ACAD9: variants seen among roughly 807,000 people sequenced by gnomAD.
ACAD9 encodes complex I assembly factor ACAD9, mitochondrial.
A neutral mutation model predicts 70.2 loss-of-function variants in ACAD9; 53 were observed. The ratio of observed to expected loss-of-function variants is 0.75; its 90% confidence interval spans 0.61 to 0.95. ACAD9 has a LOEUF of 0.95. Ranked by LOEUF, ACAD9 falls within the 40% of genes least tolerant of loss-of-function variation. ACAD9 has a pLI of 0.00. For synonymous variants in ACAD9, 313 were observed against 312.1 expected (o/e 1.00, Z -0.03); for missense variants, 777 against 802.8 (o/e 0.97, Z 0.39).
chr3:128,904,196 G>T, intron 10 of ACAD9, 64 bp downstream of exon 10: 1 of 1,593,710 alleles, frequency 6.3e-7, no homozygotes, highest in Non-Finnish European at 8.6e-7. Flanking sequence ...GTGTTCTTTT[G>T]ATGTCTCTGT....
chr3:128,886,125 C>CA (rs2107642423), intron 2 of ACAD9, among the ~76,000 whole-genome samples: 1 of 151,316 alleles, frequency 6.6e-6, no homozygotes, highest in South Asian at 2.1e-4. Flanking sequence ...TTTTCCGAGA[C>CA]AGAGTCTCAC....
intron 4 of ACAD9, among the ~76,000 whole-genome samples, chr3:128,896,101 G>T (rs2107650928): frequency 6.6e-6 from 1 of 152,358 alleles, no homozygotes; most frequent in East Asian, 1.9e-4. Flanking sequence ...GAGTGGCCCA[G>T]TTTGTGGATG....
chr3:128,908,828 TG>T (rs765766708), intron 13 of ACAD9, 144 bp from the exon 14 acceptor site: 14 of 1,313,852 alleles, frequency 1.1e-5, no homozygotes, highest in Middle Eastern at 2.4e-4. Context: ...GTGGTGGGTT[TG>T]GGGGGGTTCA....
rs780757880 is a variant in ACAD9, at chr3:128,912,706, G to A, written c.*99G>A. On this transcript the variant is annotated 3_prime_UTR_variant, in exon 18 of 18. Coordinates refer to ENST00000308982, the MANE Select transcript of ACAD9 (RefSeq NM_014049.5). ...TCAGAAGGTGTTGGGATTATCACAG[G>A]TTAAGCCTTTTGTTCCCCGTCTGCA... is the stretch of plus-strand genomic sequence containing the variant. The A allele has an allele frequency of 8.7e-7, 1 of 1,154,782 alleles. No individual in the cohort carries two copies. 71.5% of individuals were successfully genotyped at this position (1,154,782 alleles called of 1,614,324 possible).
At chr3:128,880,990 C>T (rs1283770074) in intron 1 of ACAD9, among the ~76,000 whole-genome samples, 1 of 152,182 alleles carries the variant, frequency 6.6e-6, no homozygotes, top group East Asian at 1.9e-4. Flanking sequence ...CGTCGAGGTG[C>T]CCTACTTTGA....
chr3:128,909,233 C>A, intron 14 of ACAD9, 111 bp from the exon 15 acceptor site: 1 of 1,593,830 alleles, frequency 6.3e-7, no homozygotes, highest in Non-Finnish European at 8.6e-7. Flanking sequence ...GTCCATGACA[C>A]CCTGGATTGC....
intron 2 of ACAD9, among the ~76,000 whole-genome samples, chr3:128,887,478 G>A (rs773044865): frequency 8.0e-4 from 122 of 151,634 alleles, no homozygotes; most frequent in Non-Finnish European, 1.5e-3. Context: ...ATGGTGGTGC[G>A]CGCCCATAGT....
At chr3:128,897,563 T>C (rs1338628742) in intron 5 of ACAD9, 69 bp from the exon 6 acceptor site, 2 of 1,456,834 alleles carry the variant, frequency 1.4e-6, no homozygotes, top group African/African-American at 2.8e-5. Context: ...ACCTCCATTT[T>C]CAGGCCCTCA....
intron 11 of ACAD9, among the ~76,000 whole-genome samples, chr3:128,904,921 G>T (rs532486401): frequency 6.6e-6 from 1 of 152,260 alleles, no homozygotes; most frequent in Admixed American, 6.5e-5. Flanking sequence ...GAGGTGGATG[G>T]ATCACCTGAG....
In ACAD9 at chr3:128,904,088, A is replaced by G; in HGVS notation, c.985A>G (p.Arg329Gly). 6.2e-7 allele frequency: 1 copy of G among 1,614,270 alleles called. No homozygotes were observed. Among genetic ancestry groups the G allele is most frequent in the Middle Eastern group, 1.6e-4 (1 of 6,062 alleles). Residue 329 changes from arginine (R) to glycine (G), a missense_variant, in exon 10 of 18, where the codon AGG (arginine) becomes GGG (glycine). Transcript: ENST00000308982. ...IEMTAEYACT[R>G]KQFNKRLSEF... is the part of the protein sequence containing the mutation. Reference sequence around the variant, plus strand: ...AATGACTGCTGAGTACGCCTGCACAAGGAAACAGTTTAACAAGAGGCTCAG... The same window carrying G: ...AATGACTGCTGAGTACGCCTGCACAGGGAAACAGTTTAACAAGAGGCTCAG...
intron 2 of ACAD9, among the ~76,000 whole-genome samples, chr3:128,885,661 G>A (rs912313397): frequency 2.6e-5 from 4 of 152,144 alleles, no homozygotes; most frequent in African/African-American, 9.7e-5. Context: ...CCAAAGGGCT[G>A]GGATTACAGG....
Position 128,902,513 on chromosome 3 carries a change from C to T in ACAD9, c.883-40C>T. The stretch of plus-strand genomic sequence containing the variant: ...TTTCGTTGCGGCCTCCTCCCTCTGC[C>T]TCCTTCAGGGCCCCTGGGCTCTCCC... On this transcript the variant is annotated intron_variant, in intron 8 of 17. Transcript: ENST00000308982. The surrounding 1 kb of genome is among the most constrained non-coding windows in gnomAD (Gnocchi z 4.0). 6.2e-7 allele frequency: 1 copy of T among 1,611,988 alleles called. No individual in the cohort carries two copies. Among genetic ancestry groups the T allele is most frequent in the South Asian group, 1.1e-5 (1 of 91,050 alleles).
intron 9 of ACAD9, among the ~76,000 whole-genome samples, chr3:128,903,815 A>C (rs1290171392): frequency 1.3e-5 from 2 of 152,048 alleles, no homozygotes; most frequent in African/African-American, 4.8e-5. Context: ...GCCTGTAAGA[A>C]CCATTGCCAG....
chr3:128,901,401 T>A (rs1559826678), intron 8 of ACAD9, 52 bp downstream of exon 8: 2 of 1,597,474 alleles, frequency 1.3e-6, no homozygotes, highest in East Asian at 2.2e-5. Flanking sequence ...GAGTGCAGTT[T>A]GTCGCCCCCA....
intron 2 of ACAD9, among the ~76,000 whole-genome samples, chr3:128,890,163 C>A (rs1275454489): frequency 6.6e-6 from 1 of 152,040 alleles, no homozygotes; most frequent in Admixed American, 6.6e-5. Context: ...TCTCGACTCA[C>A]TGCAACCTCC....
chr3:128,899,256 T>C (rs749119105), intron 6 of ACAD9, 31 bp from the exon 7 acceptor site: 37 of 1,613,252 alleles, frequency 2.3e-5, no homozygotes, highest in Non-Finnish European at 3.1e-5. Context: ...AGGGGTTTGG[T>C]TTTCTCCAAA....
In ACAD9 at chr3:128,884,864, CATA is replaced by C. The variant is rs1935202354; in HGVS notation, c.244+122_244+124del. ...TCTTGAGGGAGAAATGGTTTCCACT[CATA>C]ATATTTTGCTTTAGGTTTCATCCCT... On this transcript the variant is annotated intron_variant, in intron 2 of 17. Transcript: ENST00000308982. 4.7e-6 allele frequency: 4 copies of C among 849,964 alleles called. No homozygotes were observed. The East Asian group carries it at 1.0e-4, about 22-fold the overall frequency. The allele number at this position is 849,964 out of a possible 1,614,324, so 52.7% of individuals were successfully genotyped here.
intron 2 of ACAD9, among the ~76,000 whole-genome samples, chr3:128,888,914 A>G (rs1011319960): frequency 1.5e-5 from 2 of 131,420 alleles, no homozygotes; most frequent in African/African-American, 5.8e-5. Context: ...TTTTTTTTTC[A>G]GGTTTAATTA....
rs1440486145 is a variant in ACAD9, at chr3:128,902,361, C to T, written c.883-192C>T. Among the ~76,000 whole-genome samples, 2 of 152,182 alleles carry T rather than the reference C, an allele frequency of 1.3e-5. No homozygotes were observed. The highest frequency in any genetic ancestry group is 1.9e-4 in the East Asian group (1 of 5,192). ...GCTCTGGCATGGTCCTTTGGAATAACGTTCAGTGGTCTTGTGTGTGGGGAT... is the reference window on the plus strand; with the variant it reads ...GCTCTGGCATGGTCCTTTGGAATAATGTTCAGTGGTCTTGTGTGTGGGGAT... On this transcript the variant is annotated intron_variant, in intron 8 of 17. Transcript: ENST00000308982. The surrounding 1 kb of genome is among the most constrained non-coding windows in gnomAD (Gnocchi z 4.0).
Sources: gnomAD v4.1 joint callset for allele counts (sites outside exome capture counted in the v4.1 genomes callset) on GRCh38, gnomAD v4.1.1 for gene constraint, Gnocchi (gnomAD v3.1) non-coding constraint, MANE v1.5 for transcripts, NCBI Gene and HGNC (gene_info 2026-07-23, HGNC 2026-07-21) for gene names.